The following TMEM201 variants were observed in gnomAD, a reference collection of about 807,000 sequenced individuals.
TMEM201 encodes the protein transmembrane protein 201.
In TMEM201, 26 loss-of-function variants were observed where a neutral mutation model predicts 63.4. The ratio of observed to expected loss-of-function variants is 0.41; its 90% confidence interval spans 0.30 to 0.57. The LOEUF (loss-of-function observed/expected upper bound fraction) is 0.57. Ranked by LOEUF, TMEM201 falls within the 20% of genes least tolerant of loss-of-function variation. TMEM201 has a pLI of 0.29. For synonymous variants in TMEM201, 417 were observed against 421.6 expected, an observed-to-expected ratio of 0.99 and a Z score of 0.14; for missense variants, 794 against 917.7, an observed-to-expected ratio of 0.87 and a Z score of 1.74.
At position 9,610,218 on chromosome 1, in the gene TMEM201, T is replaced by C. The variant is rs867998739; in HGVS notation, c.1466-288T>C. Among the ~76,000 whole-genome samples the C allele has an allele frequency of 3.3e-5, 5 of 152,264 alleles. No homozygotes were observed. Among genetic ancestry groups the C allele is most frequent in the South Asian group, 2.1e-4 (1 of 4,828 alleles). ...TGAGCTGGCCTTGTACCTCCAGGGT[T>C]TGCTGCTATCTGGCCTTGCTCTCAG... On this transcript the variant is annotated intron_variant, in intron 8 of 10. Coordinates refer to ENST00000340381, the MANE Select transcript of TMEM201 (RefSeq NM_001130924.3). The surrounding 1 kb of genome is among the most constrained non-coding windows in gnomAD (Gnocchi z 4.9).
chr1:9,610,579 G>A lies in TMEM201; in HGVS notation c.1539G>A (p.Ser513=), dbSNP rs182793432. ...CCCCAGCGCCTTCCGTGGCCGGCTC[G>A]GTGGCCTCCAGCTCCGGCTCTCTGC... The part of the protein sequence containing the change: ...LPSPAPSVAG[S]VASSSGSLRH... The change falls in exon 9 of 11, where the codon TCG becomes TCA. Residue 513 remains serine (S), a synonymous_variant. Transcript: ENST00000340381. This position sits in a 1 kb window ranked among gnomAD's most constrained non-coding sequence, Gnocchi z 4.9. 3.7e-4 allele frequency: 567 copies of A among 1,550,072 alleles called. 1 individual carries two copies. The East Asian group carries it at 8.8e-3, about 24-fold the overall frequency.
At position 9,596,974 on chromosome 1, in the gene TMEM201, A is replaced by G; in HGVS notation, c.350A>G (p.Gln117Arg). The G allele has an allele frequency of 6.2e-7, 1 of 1,613,130 alleles. No individual in the cohort carries two copies. Among genetic ancestry groups the G allele is most frequent in the African/African-American group, 1.3e-5 (1 of 75,072 alleles). ...PSQPQQWVSSQVLLCKRCNHH... is the reference protein window; with the variant it reads ...PSQPQQWVSSRVLLCKRCNHH... ...CAGCCGCAGCAGTGGGTGAGCAGCC[A>G]AGTCCTGCTGTGCAAGAGGTGCAAC... The change falls in exon 3 of 11, where the codon CAA becomes CGA. Residue 117 changes from glutamine to arginine, a missense_variant. Gln to Arg is a conservative substitution (Grantham distance 43). Transcript: ENST00000340381.
intron 1 of TMEM201, among the ~76,000 whole-genome samples, chr1:9,592,916 G>A (rs967102459): frequency 4.6e-5 from 7 of 152,338 alleles, no homozygotes; most frequent in Middle Eastern, 3.4e-3. Flanking sequence ...AGCTGGAACC[G>A]TTGTGGGCAG....
rs1644275455 is a variant in TMEM201 at position 9,608,275 on chromosome 1, C to T, written c.1393+486C>T. 6.6e-6 allele frequency among the ~76,000 whole-genome samples: 1 copy of T among 152,200 alleles called. No homozygotes were observed. The highest frequency in any genetic ancestry group is 2.1e-4 in the South Asian group (1 of 4,818). On this transcript the variant is annotated intron_variant, in intron 7 of 10. Coordinates refer to ENST00000340381, the MANE Select transcript of TMEM201 (RefSeq NM_001130924.3). The surrounding 1 kb of genome is among the most constrained non-coding windows in gnomAD (Gnocchi z 4.3). ...AATAAAGTGCCCAGAATTGCCATAT[C>T]ATCTGGGAGCCCCAGCACGGCCCCT...
At chr1:9,606,692 C>T (rs2100512539) in intron 6 of TMEM201, 2 of 152,430 alleles carry the variant, frequency 1.3e-5, no homozygotes, top group South Asian at 4.1e-4. Context: ...GTATTAACTG[C>T]CTCTGTCCCT....
At chr1:9,590,633 C>G (rs2100440440) in intron 1 of TMEM201, among the ~76,000 whole-genome samples, 1 of 152,286 alleles carries the variant, frequency 6.6e-6, no homozygotes, top group Admixed American at 6.5e-5. Context: ...GCCAGGGGAA[C>G]TAGGAGGGTG....
At chr1:9,598,697 G>A (rs1281122895) in intron 4 of TMEM201, 72 bp downstream of exon 4, 2 of 1,483,098 alleles carry the variant, frequency 1.3e-6, no homozygotes, top group East Asian at 4.6e-5. Flanking sequence ...AGGAGGCTGG[G>A]CACTAGTGAC....
rs537812421 is a variant in TMEM201, at chr1:9,607,060, G to A, written c.1161-497G>A. On this transcript the variant is annotated intron_variant, in intron 6 of 10. Transcript: ENST00000340381. The surrounding 1 kb of genome is among the most constrained non-coding windows in gnomAD (Gnocchi z 5.4). ...CTGGGAACAGAGGGTGCCCAGAGCCGTGCTGGGGCCTGACTTCCTATGATC... is the reference window on the plus strand; with the variant it reads ...CTGGGAACAGAGGGTGCCCAGAGCCATGCTGGGGCCTGACTTCCTATGATC... Among the ~76,000 whole-genome samples, 18 of 152,316 alleles carry A rather than the reference G, an allele frequency of 1.2e-4. No individual in the cohort carries two copies. In the East Asian group the frequency reaches 2.7e-3, roughly 23 times the overall value.
At chr1:9,593,300 G>A (rs1411770544) in intron 1 of TMEM201, among the ~76,000 whole-genome samples, 3 of 152,172 alleles carry the variant, frequency 2.0e-5, no homozygotes, top group Non-Finnish European at 4.4e-5. Context: ...GTGCCTGGGG[G>A]ACCTGCAATT....
Position 9,595,877 on chromosome 1 carries a change from C to T in TMEM201, c.114-13C>T, listed in dbSNP as rs1203435908. 5 of 1,612,850 alleles carry T rather than the reference C, an allele frequency of 3.1e-6. No individual in the cohort carries two copies. The highest frequency in any genetic ancestry group is 2.2e-5 in the South Asian group (2 of 91,076). On this transcript the variant is annotated splice_polypyrimidine_tract_variant and intron_variant, in intron 1 of 10. Coordinates refer to ENST00000340381, the MANE Select transcript of TMEM201 (RefSeq NM_001130924.3). ...GGTCTTCCAGGCCAACCCGCTCTTTCCTTGGTCCACAGGATGAAGCCAACG... is the reference window on the plus strand; with the variant it reads ...GGTCTTCCAGGCCAACCCGCTCTTTTCTTGGTCCACAGGATGAAGCCAACG...
rs1201928966 is a variant in TMEM201 at position 9,588,972 on chromosome 1, C to A, written c.42C>A (p.Ala14=). 8.0e-7 allele frequency: 1 copy of A among 1,246,882 alleles called. No homozygotes were observed. Among genetic ancestry groups the A allele is most frequent in the Non-Finnish European group, 1.0e-6 (1 of 979,272 alleles). The allele number at this position is 1,246,882 out of a possible 1,614,324, so 77.2% of individuals were successfully genotyped here. The change falls in exon 1 of 11, where the codon GCC becomes GCA. Residue 14 remains alanine (A), a synonymous_variant. Coordinates refer to ENST00000340381, the MANE Select transcript of TMEM201 (RefSeq NM_001130924.3). ...CGCTGCTGGCCCGCTGCCCCACGGCCGGCCTGGCCGGCGGCCTGGGGGTCA... is the reference window on the plus strand; with the variant it reads ...CGCTGCTGGCCCGCTGCCCCACGGCAGGCCTGGCCGGCGGCCTGGGGGTCA... The part of the protein sequence containing the change: ...VSALLARCPT[A]GLAGGLGVTA...
At position 9,588,960 on chromosome 1, in the gene TMEM201, C is replaced by T. The variant is rs1031056468; in HGVS notation, c.30C>T (p.Arg10=). Residue 10 remains arginine, a synonymous_variant, in exon 1 of 11, where the codon CGC becomes CGT. Transcript: ENST00000340381. The stretch of plus-strand genomic sequence containing the variant: ...AGGGAGTGAGCGCGCTGCTGGCCCG[C>T]TGCCCCACGGCCGGCCTGGCCGGCG... MEGVSALLA[R]CPTAGLAGGL... The T allele has an allele frequency of 3.1e-6, 4 of 1,272,360 alleles. No individual in the cohort carries two copies. Among genetic ancestry groups the T allele is most frequent in the Admixed American group, 3.1e-5 (1 of 32,188 alleles). The allele number at this position is 1,272,360 out of a possible 1,614,324, so 78.8% of individuals were successfully genotyped here. A position where few individuals can be genotyped will look rare whatever the true frequency, so the allele number is the denominator to read the frequency against.
At chr1:9,599,220 G>A (rs187610167) in intron 4 of TMEM201, among the ~76,000 whole-genome samples, 142 of 150,318 alleles carry the variant, frequency 9.4e-4, no homozygotes, top group African/African-American at 3.3e-3. Flanking sequence ...GATTACAGGC[G>A]TGAGCCACCA....
At chr1:9,589,523 C>T (rs1643885663) in intron 1 of TMEM201, among the ~76,000 whole-genome samples, 1 of 152,248 alleles carries the variant, frequency 6.6e-6, no homozygotes, top group South Asian at 2.1e-4. Flanking sequence ...CAGTAACTTG[C>T]TGTTAATGAG....
Position 9,613,605 on chromosome 1 carries a change from TC to T in TMEM201, c.*524del, listed in dbSNP as rs1644354216. The T allele has an allele frequency of 6.5e-6, 1 of 154,554 alleles. No individual in the cohort carries two copies. The highest frequency in any genetic ancestry group is 2.4e-5 in the African/African-American group (1 of 41,458). The allele number at this position is 154,554 out of a possible 1,614,324, so 9.6% of individuals were successfully genotyped here. A position where few individuals can be genotyped will look rare whatever the true frequency, so the allele number is the denominator to read the frequency against. ...TTATCATCTGCCCTATCTTGCCCCT[TC>T]CTGTGGAGTGGGCAGAAGGGCTCCC... On this transcript the variant is annotated 3_prime_UTR_variant, in exon 11 of 11. Coordinates refer to ENST00000340381, the MANE Select transcript of TMEM201 (RefSeq NM_001130924.3).
chr1:9,596,144 A>G, intron 2 of TMEM201, 134 bp downstream of exon 2: 1 of 1,170,292 alleles, frequency 8.5e-7, no homozygotes, highest in Non-Finnish European at 1.2e-6. Flanking sequence ...TGTCCTCTCC[A>G]GGCCCTGAGC....
intron 1 of TMEM201, among the ~76,000 whole-genome samples, chr1:9,593,560 G>A (rs891370480): frequency 2.0e-5 from 3 of 152,150 alleles, no homozygotes; most frequent in Admixed American, 1.3e-4. Flanking sequence ...CCCCTCTTCC[G>A]GGCCGCCTCA....
Position 9,610,372 on chromosome 1 carries a change from C to G in TMEM201, c.1466-134C>G. ...CTCCTTCAGCTTTGCAGCAGGACTTCCCCCTGTCCCCAGTCTCTGCACCTT... is the reference window on the plus strand; with the variant it reads ...CTCCTTCAGCTTTGCAGCAGGACTTGCCCCTGTCCCCAGTCTCTGCACCTT... On this transcript the variant is annotated intron_variant, in intron 8 of 10. Transcript: ENST00000340381. This position sits in a 1 kb window ranked among gnomAD's most constrained non-coding sequence, Gnocchi z 4.9. The G allele has an allele frequency of 2.2e-6, 2 of 926,688 alleles. No individual in the cohort carries two copies. Among genetic ancestry groups the G allele is most frequent in the Non-Finnish European group, 3.1e-6 (2 of 635,852 alleles). 57.4% of individuals were successfully genotyped at this position (926,688 alleles called of 1,614,324 possible).
At chr1:9,601,950 G>A in intron 5 of TMEM201, 119 bp from the exon 6 acceptor site, 2 of 1,234,802 alleles carry the variant, frequency 1.6e-6, no homozygotes, top group Non-Finnish European at 2.2e-6. Flanking sequence ...AGCCCACACT[G>A]TCCCCTGGCT....
Sources: gnomAD v4.1 joint callset for allele counts (sites outside exome capture counted in the v4.1 genomes callset) on GRCh38, gnomAD v4.1.1 for gene constraint, Gnocchi (gnomAD v3.1) non-coding constraint, MANE v1.5 for transcripts, NCBI Gene and HGNC (gene_info 2026-07-23, HGNC 2026-07-21) for gene names.